The following GPC6 variants were observed in gnomAD, a reference collection of about 807,000 sequenced individuals.
GPC6 encodes the protein glypican-6.
In GPC6, 14 loss-of-function variants were observed where a neutral mutation model predicts 55.2. The observed-to-expected ratio is 0.25, with a 90% CI of 0.17 to 0.40. The LOEUF (loss-of-function observed/expected upper bound fraction) is 0.40. Among genes scored for constraint, GPC6 ranks in the 10% least tolerant of loss-of-function variants. The pLI is 1.00. For synonymous variants in GPC6, 278 were observed against 259.6 expected, an observed-to-expected ratio of 1.07 and a Z score of -0.68; for missense variants, 641 against 708.5, an observed-to-expected ratio of 0.90 and a Z score of 1.08.
rs1485529068 is a variant in GPC6, at chr13:93,328,519, CA to C, written c.160+100909del. Among the ~76,000 whole-genome samples, 5 of 151,686 alleles carry C rather than the reference CA, an allele frequency of 3.3e-5. No homozygotes were observed. In the South Asian group the frequency reaches 1.0e-3, roughly 32 times the overall value. Reference sequence around the variant, plus strand: ...CAAAACCCTGTCTCTACAAAATATACAAAAAATTAGCCTGGCGTGGTGGCAT... The same window carrying C: ...CAAAACCCTGTCTCTACAAAATATACAAAAATTAGCCTGGCGTGGTGGCAT... On this transcript the variant is annotated intron_variant, in intron 1 of 8. Transcript: ENST00000377047.
chr13:93,948,692 G>A (rs1171965614), intron 3 of GPC6, among the ~76,000 whole-genome samples: 2 of 152,160 alleles, frequency 1.3e-5, no homozygotes, highest in East Asian at 1.9e-4. Flanking sequence ...TAAACACTGT[G>A]CTTTAAGAGA....
chr13:93,624,114 CT>C (rs34693901), intron 2 of GPC6, among the ~76,000 whole-genome samples: 4,787 of 141,884 alleles, frequency 0.034, 428 homozygotes, highest in East Asian at 0.32. Flanking sequence ...CAAATTTCAA[CT>C]TTTTTTTTTT....
chr13:93,733,643 G>A (rs1883903825), intron 2 of GPC6, among the ~76,000 whole-genome samples: 1 of 151,738 alleles, frequency 6.6e-6, no homozygotes, highest in Admixed American at 6.6e-5. Context: ...GAAATGATTG[G>A]TAGTCCATTC....
chr13:94,151,400 A>G (rs1442005331), intron 4 of GPC6, among the ~76,000 whole-genome samples: 2 of 152,138 alleles, frequency 1.3e-5, no homozygotes, highest in Admixed American at 1.3e-4. Flanking sequence ...CCCCCTTGAC[A>G]CTACACTGAG....
chr13:93,325,901 C>T (rs1879636290), intron 1 of GPC6, among the ~76,000 whole-genome samples: 1 of 151,974 alleles, frequency 6.6e-6, no homozygotes, highest in South Asian at 2.1e-4. Flanking sequence ...TATTCAGGGC[C>T]CTGCCTGCAT....
upstream of GPC6, among the ~76,000 whole-genome samples, chr13:93,223,145 C>T (rs1426482166): frequency 6.7e-6 from 1 of 149,908 alleles, no homozygotes; most frequent in South Asian, 2.1e-4. Context: ...GAGCACAATG[C>T]CCCCTGACAT....
At chr13:93,594,143 C>CT (rs1210362171) in intron 2 of GPC6, among the ~76,000 whole-genome samples, 1 of 151,584 alleles carries the variant, frequency 6.6e-6, no homozygotes, top group African/African-American at 2.4e-5. Flanking sequence ...CTATATATGA[C>CT]TTTATTTTAT....
At chr13:94,116,721 A>G (rs1375100229) in intron 4 of GPC6, among the ~76,000 whole-genome samples, 1 of 152,032 alleles carries the variant, frequency 6.6e-6, no homozygotes, top group African/African-American at 2.4e-5. Flanking sequence ...GGTCTTTCCT[A>G]TTTCCATCTT....
In GPC6 at chr13:93,926,501, C is replaced by CAT. The variant is rs1249486781; in HGVS notation, c.711+95963_711+95964dup. 4.6e-5 allele frequency among the ~76,000 whole-genome samples: 7 copies of CAT among 152,042 alleles called. 1 individual carries two copies. The highest frequency in any genetic ancestry group is 1.7e-4 in the African/African-American group (7 of 41,394). Reference sequence around the variant, plus strand: ...TACATATTAATAATTTGTATTTTCCCATATATATGGGTAAAAATTGCTTAG... The same window carrying CAT: ...TACATATTAATAATTTGTATTTTCCCATATATATATGGGTAAAAATTGCTTAG... On this transcript the variant is annotated intron_variant, in intron 3 of 8. Transcript: ENST00000377047.
At chr13:94,237,788 T>C (rs948796720) in intron 4 of GPC6, among the ~76,000 whole-genome samples, 2 of 152,172 alleles carry the variant, frequency 1.3e-5, no homozygotes, top group Admixed American at 1.3e-4. Flanking sequence ...GCCAGGGTTA[T>C]AATGGGAAGC....
intron 3 of GPC6, among the ~76,000 whole-genome samples, chr13:93,952,860 ATATG>A (rs1393300279): frequency 1.1e-4 from 12 of 109,036 alleles, no homozygotes; most frequent in Non-Finnish European, 2.1e-4. Flanking sequence ...ATACGTATAT[ATATG>A]TATATATATA....
At chr13:94,008,566 C>T (rs1293457646) in intron 3 of GPC6, among the ~76,000 whole-genome samples, 1 of 152,034 alleles carries the variant, frequency 6.6e-6, no homozygotes, top group Non-Finnish European at 1.5e-5. Context: ...GCAGGAGAAT[C>T]GCTTGAACCC....
At chr13:93,763,665 C>A (rs1336258349) in intron 2 of GPC6, among the ~76,000 whole-genome samples, 1 of 152,196 alleles carries the variant, frequency 6.6e-6, no homozygotes, top group Non-Finnish European at 1.5e-5. Context: ...GCCAAGACAT[C>A]TTCTGATTTC....
intron 3 of GPC6, among the ~76,000 whole-genome samples, chr13:93,880,655 G>A (rs906310768): frequency 9.2e-5 from 14 of 151,992 alleles, no homozygotes; most frequent in African/African-American, 3.1e-4. Flanking sequence ...CATGGCACAT[G>A]TATACATATG....
At chr13:93,563,831 C>G (rs1875949400) in intron 2 of GPC6, among the ~76,000 whole-genome samples, 2 of 150,992 alleles carry the variant, frequency 1.3e-5, no homozygotes, top group Admixed American at 1.3e-4. Flanking sequence ...ATTATAAAAA[C>G]TCTGTAGCAT....
chr13:93,768,866 G>A (rs1158560443), intron 2 of GPC6, among the ~76,000 whole-genome samples: 1 of 151,778 alleles, frequency 6.6e-6, no homozygotes, highest in Admixed American at 6.6e-5. Context: ...TTGCTCTCTG[G>A]GAAGCTTCTT....
intron 1 of GPC6, among the ~76,000 whole-genome samples, chr13:93,356,428 G>T (rs2139171359): frequency 6.6e-6 from 1 of 152,314 alleles, no homozygotes; most frequent in Middle Eastern, 3.4e-3. Context: ...CCATGATCCA[G>T]TGAAGAAGGC....
rs181333959 is a variant in GPC6 at position 94,314,050 on chromosome 13, G to A, written c.1152+7927G>A. Among the ~76,000 whole-genome samples, 40 of 152,288 alleles carry A rather than the reference G, an allele frequency of 2.6e-4. 1 individual carries two copies. In the East Asian group the frequency reaches 6.6e-3, roughly 25 times the overall value. ...TGCATAGCACTTAGTAAAACTAGCTGCTATGTACAATCTACATTATAGCAT... is the reference window on the plus strand; with the variant it reads ...TGCATAGCACTTAGTAAAACTAGCTACTATGTACAATCTACATTATAGCAT... On this transcript the variant is annotated intron_variant, in intron 6 of 8. Transcript: ENST00000377047.
intron 1 of GPC6, among the ~76,000 whole-genome samples, chr13:93,468,718 G>A (rs1323376654): frequency 6.6e-6 from 1 of 152,096 alleles, no homozygotes; most frequent in Admixed American, 6.6e-5. Flanking sequence ...TAAACTAACA[G>A]AAGAAGGAAT....
Sources: gnomAD v4.1 joint callset for allele counts (sites outside exome capture counted in the v4.1 genomes callset) on GRCh38, gnomAD v4.1.1 for gene constraint, MANE v1.5 for transcripts, NCBI Gene and HGNC (gene_info 2026-07-23, HGNC 2026-07-21) for gene names.